Variants in COL28A1 observed in about 807,000 individuals in gnomAD.
The protein encoded by COL28A1 is collagen alpha-1(XXVIII) chain.
A neutral mutation model predicts 150.2 loss-of-function variants in COL28A1; 161 were observed. The observed-to-expected ratio is 1.07, with a 90% CI of 0.94 to 1.22. The LOEUF (loss-of-function observed/expected upper bound fraction) is 1.22, where lower values mean the gene tolerates loss of function less well. COL28A1 is among the 50% of genes most tolerant of loss of function. The pLI is 0.00. For missense variants in COL28A1, 1,617 were observed against 1,388.3 expected (o/e 1.16, Z -2.62); for synonymous variants, 552 against 469.7 (o/e 1.18, Z -2.26).
At chr7:7,526,196 T>C (rs1199543241) in intron 3 of COL28A1, among the ~76,000 whole-genome samples, 1 of 152,250 alleles carries the variant, frequency 6.6e-6, no homozygotes, top group African/African-American at 2.4e-5. Context: ...CCTGACATCC[T>C]TTCTAGACAT....
chr7:7,483,052 T>A (rs560163315), intron 13 of COL28A1, among the ~76,000 whole-genome samples: 1 of 152,280 alleles, frequency 6.6e-6, no homozygotes, highest in East Asian at 1.9e-4. Flanking sequence ...AGACAGACAG[T>A]CTCCAACTTA....
At chr7:7,447,676 G>C (rs534371502) in intron 18 of COL28A1, among the ~76,000 whole-genome samples, 1 of 151,996 alleles carries the variant, frequency 6.6e-6, no homozygotes, top group East Asian at 1.9e-4. Context: ...TAAAATTTTA[G>C]ATTTGAAAAT....
At chr7:7,506,409 C>A (rs1224674397) in intron 10 of COL28A1, among the ~76,000 whole-genome samples, 2 of 152,168 alleles carry the variant, frequency 1.3e-5, no homozygotes, top group African/African-American at 4.8e-5. Flanking sequence ...GCATATGTAA[C>A]TGACGTTAGA....
At chr7:7,499,951 A>T (rs1321302850) in intron 11 of COL28A1, among the ~76,000 whole-genome samples, 6 of 152,228 alleles carry the variant, frequency 3.9e-5, no homozygotes, top group Admixed American at 3.9e-4. Flanking sequence ...TGTACACAAG[A>T]AAGTGTAAAA....
intron 25 of COL28A1, 115 bp from the exon 26 acceptor site, chr7:7,420,068 C>T (rs894560084): frequency 2.5e-5 from 13 of 521,772 alleles, no homozygotes; most frequent in Non-Finnish European, 3.8e-5. Context: ...ATTAATTGAA[C>T]CCTCTTCTCC....
chr7:7,471,267 C>G (rs185393144), intron 15 of COL28A1, among the ~76,000 whole-genome samples: 1 of 151,828 alleles, frequency 6.6e-6, no homozygotes, highest in Non-Finnish European at 1.5e-5. Context: ...CAGGACTAGA[C>G]GGATTCACAA....
At chr7:7,414,486 T>A (rs1008553069) in intron 27 of COL28A1, among the ~76,000 whole-genome samples, 1 of 152,190 alleles carries the variant, frequency 6.6e-6, no homozygotes, top group Admixed American at 6.5e-5. Flanking sequence ...AGCAGAGGAA[T>A]GGCAGGAGGC....
In COL28A1 at chr7:7,487,044, A is replaced by G. The variant is rs1779662462; in HGVS notation, c.1164+2345T>C. Among the ~76,000 whole-genome samples the G allele has an allele frequency of 2.0e-5, 3 of 152,210 alleles. No homozygotes were observed. The South Asian group carries it at 6.2e-4, about 31-fold the overall frequency. On this transcript the variant is annotated intron_variant, in intron 13 of 34. Transcript: ENST00000399429. ...ATCCATAATGTTTTATGTTTTTTAA[A>G]GAAAATCTAAAGCAAGAGTAGTAAA...
chr7:7,396,281 G>C (rs1017125387), intron 27 of COL28A1, among the ~76,000 whole-genome samples: 1 of 152,234 alleles, frequency 6.6e-6, no homozygotes, highest in South Asian at 2.1e-4. Context: ...CATGTGCAAA[G>C]AATTGAGCTC....
At chr7:7,509,843 G>A (rs1317087859) in intron 9 of COL28A1, among the ~76,000 whole-genome samples, 1 of 152,076 alleles carries the variant, frequency 6.6e-6, no homozygotes, top group South Asian at 2.1e-4. Flanking sequence ...CATCTTCCAT[G>A]TTCAGTTATA....
intron 11 of COL28A1, among the ~76,000 whole-genome samples, chr7:7,500,555 A>G (rs1780462784): frequency 6.6e-6 from 1 of 152,212 alleles, no homozygotes; most frequent in African/African-American, 2.4e-5. Context: ...AGCTCAAAGG[A>G]GAGAAACTTG....
intron 33 of COL28A1, among the ~76,000 whole-genome samples, chr7:7,370,178 C>A (rs191917026): frequency 1.3e-5 from 2 of 152,186 alleles, no homozygotes; most frequent in African/African-American, 2.4e-5. Flanking sequence ...TGAAACAGAG[C>A]ATCTACTTTG....
At chr7:7,515,378 C>G (rs1781362424) in intron 8 of COL28A1, among the ~76,000 whole-genome samples, 1 of 152,198 alleles carries the variant, frequency 6.6e-6, no homozygotes, top group African/African-American at 2.4e-5. Context: ...TCAGTGAAGT[C>G]AGTGGCTCTT....
At chr7:7,529,793 C>G (rs115407966) in intron 3 of COL28A1, among the ~76,000 whole-genome samples, 114 of 152,346 alleles carry the variant, frequency 7.5e-4, no homozygotes, top group African/African-American at 2.7e-3. Flanking sequence ...CTCTCCCACA[C>G]GGGCTGGAGC....
rs571237350 is a variant in COL28A1, at chr7:7,458,346, G to A, written c.1303-2234C>T. ...CAGGAGAATCATTTGAACCGGGGAG[G>A]TGAATGGTGCAGTGAGCTGAGATGG... is the stretch of plus-strand genomic sequence containing the variant. On this transcript the variant is annotated intron_variant, in intron 15 of 34. Coordinates refer to ENST00000399429, the MANE Select transcript of COL28A1 (RefSeq NM_001037763.3). 2.0e-5 allele frequency among the ~76,000 whole-genome samples: 3 copies of A among 152,114 alleles called. No homozygotes were observed. In the South Asian group the frequency reaches 6.2e-4, roughly 32 times the overall value.
chr7:7,509,195 A>G (rs1291969471), intron 9 of COL28A1, among the ~76,000 whole-genome samples: 1 of 151,478 alleles, frequency 6.6e-6, no homozygotes, highest in African/African-American at 2.4e-5. Flanking sequence ...GAGTGGCACA[A>G]TGACAGCTCA....
chr7:7,485,406 A>G (rs1445018462), intron 13 of COL28A1, among the ~76,000 whole-genome samples: 5 of 152,090 alleles, frequency 3.3e-5, no homozygotes, highest in Admixed American at 6.6e-5. Context: ...TCTCCCAATC[A>G]GCAGCTTGTC....
At chr7:7,458,542 A>T (rs1178482015) in intron 15 of COL28A1, among the ~76,000 whole-genome samples, 1 of 152,246 alleles carries the variant, frequency 6.6e-6, no homozygotes, top group Non-Finnish European at 1.5e-5. Context: ...GATGCCCTGG[A>T]ATACACTACT....
At chr7:7,445,866 T>TTC (rs1786217024) in intron 18 of COL28A1, among the ~76,000 whole-genome samples, 1 of 151,268 alleles carries the variant, frequency 6.6e-6, no homozygotes, top group African/African-American at 2.4e-5. Flanking sequence ...TTAATGCCTT[T>TTC]TTTTTTTTTT....
Sources: allele counts gnomAD v4.1 joint callset (sites outside exome capture counted in the v4.1 genomes callset), GRCh38; gene constraint gnomAD v4.1.1; transcripts MANE v1.5; gene names NCBI Gene and HGNC (gene_info 2026-07-23, HGNC 2026-07-21).